Variants in MORC4 observed in about 807,000 individuals in gnomAD.
MORC4 encodes the protein MORC family CW-type zinc finger protein 4.
Under a neutral mutation model 65.5 loss-of-function variants are expected in MORC4, and 22 were observed. The observed-to-expected ratio is 0.34, with a 90% confidence interval of 0.24 to 0.48. The LOEUF (loss-of-function observed/expected upper bound fraction) is 0.48, where lower values mean the gene tolerates loss of function less well. Among genes scored for constraint, MORC4 ranks in the 20% least tolerant of loss-of-function variants. The pLI, the probability that MORC4 is intolerant of heterozygous loss-of-function variation, is 0.99. For missense variants in MORC4, 624 were observed against 703.0 expected (o/e 0.89, Z 1.27); for synonymous variants, 267 against 255.8 (o/e 1.04, Z -0.42).
Position 106,993,274 on chromosome X carries a change from A to G in MORC4, c.264T>C (p.Asp88=), listed in dbSNP as rs754987575. 35 of 1,208,973 alleles carry G rather than the reference A, an allele frequency of 2.9e-5. No homozygotes were observed. Among genetic ancestry groups the G allele is most frequent in the Non-Finnish European group, 3.9e-5 (35 of 893,913 alleles). The change falls in exon 3 of 17, where the codon GAT becomes GAC. Residue 88 remains aspartate, a synonymous_variant. Transcript: ENST00000355610. ...VKNKSCLTFT[D]DGCGMTPHKL... The stretch of plus-strand genomic sequence containing the variant: ...TATGAGGTGTCATCCCACATCCATC[A>G]TCGGTAAAGGTCAAACAAGATTTAT...
intron 9 of MORC4, among the ~76,000 whole-genome samples, chrX:106,972,018 C>T (rs1327717644): frequency 2.1e-4 from 24 of 112,171 alleles, no homozygotes; most frequent in Admixed American, 4.7e-4. Context: ...CACATGCACA[C>T]GTATGTTTAT....
In MORC4 at chrX:106,999,868, C is replaced by T; in HGVS notation, c.102G>A (p.Thr34=). Residue 34 remains threonine, a splice_region_variant and synonymous_variant, in exon 1 of 17, where the codon ACG becomes ACA. Transcript: ENST00000355610. ...GPQAFGIRLS[T]MSPRYLQSNS... is the part of the protein sequence containing the mutation. ...CCGCCCCCTCGGGCCCCGGACCTAC[C>T]GTGCTCAGGCGGATCCCGAAGGCCT... 1 of 838,605 alleles carries T rather than the reference C, an allele frequency of 1.2e-6. No homozygotes were observed. The highest frequency in any genetic ancestry group is 1.4e-6 in the Non-Finnish European group (1 of 692,206). 69.1% of individuals were successfully genotyped at this position (838,605 alleles called of 1,213,427 possible).
At chrX:106,971,759 C>T (rs1237394873) in intron 9 of MORC4, among the ~76,000 whole-genome samples, 1 of 111,940 alleles carries the variant, frequency 8.9e-6, no homozygotes. Context: ...AAATCAAAAC[C>T]ATAATGAGAT....
intron 9 of MORC4, among the ~76,000 whole-genome samples, chrX:106,967,745 A>T (rs1934408738): frequency 8.9e-6 from 1 of 111,999 alleles, no homozygotes; most frequent in Non-Finnish European, 1.9e-5. Context: ...AATGAAATAA[A>T]GTGAGAAGAC....
chrX:106,955,225 G>A (rs760400898), intron 13 of MORC4, 137 bp from the exon 14 acceptor site: 11 of 472,512 alleles, frequency 2.3e-5, no homozygotes, highest in South Asian at 7.2e-5. Flanking sequence ...CAAACAGTGT[G>A]CAGTAATGTA....
chrX:106,988,781 C>T (rs1288086337), intron 3 of MORC4, among the ~76,000 whole-genome samples: 1 of 111,986 alleles, frequency 8.9e-6, no homozygotes, highest in Non-Finnish European at 1.9e-5. Context: ...ACACTGTTTA[C>T]ACATCAAGGT....
In MORC4 at chrX:106,965,588, T is replaced by C. The variant is rs149275542; in HGVS notation, c.1158-3478A>G. On this transcript the variant is annotated intron_variant, in intron 9 of 16. Coordinates refer to ENST00000355610, the MANE Select transcript of MORC4 (RefSeq NM_024657.5). ...ATGCTACCTGGAAGAGGGGTACTAC[T>C]ATAACAAATACCTAAAAATATGGAA... Among the ~76,000 whole-genome samples the C allele has an allele frequency of 2.4e-3, 266 of 112,231 alleles. 2 individuals carry two copies. The highest frequency in any genetic ancestry group is 6.7e-3 in the Admixed American group (71 of 10,640).
intron 9 of MORC4, among the ~76,000 whole-genome samples, chrX:106,968,568 C>A (rs1348982578): frequency 2.9e-5 from 3 of 104,807 alleles, no homozygotes; most frequent in African/African-American, 1.1e-4. Context: ...ATTCAGGAGA[C>A]CCATCTCACA....
In MORC4 at chrX:107,000,201, G is replaced by C. The variant is rs961394906; in HGVS notation, c.-232C>G. On this transcript the variant is annotated 5_prime_UTR_variant, in exon 1 of 17. Transcript: ENST00000355610. ...GCTCCGCCCTGTCAGCACCTCTACC[G>C]ACCCGGCGACTGCCCGGGCTGCCTC... 5 of 122,145 alleles carry C rather than the reference G, an allele frequency of 4.1e-5. No individual in the cohort carries two copies. Among genetic ancestry groups the C allele is most frequent in the Non-Finnish European group, 8.4e-5 (5 of 59,556 alleles). The allele number at this position is 122,145 out of a possible 1,213,427, so 10.1% of individuals were successfully genotyped here.
chrX:106,957,701 C>T (rs1934143525), intron 11 of MORC4, among the ~76,000 whole-genome samples: 1 of 111,659 alleles, frequency 9.0e-6, no homozygotes, highest in African/African-American at 3.3e-5. Flanking sequence ...CTGCAAGAAA[C>T]ATATGGTATA....
chrX:106,991,105 C>T (rs1042900797), intron 3 of MORC4, among the ~76,000 whole-genome samples: 111 of 111,366 alleles, frequency 1.0e-3, no homozygotes, highest in African/African-American at 3.5e-3. Context: ...ACCTATTTTG[C>T]TCCTTGGGGA....
At chrX:106,954,715 C>T (rs933062788) in intron 14 of MORC4, among the ~76,000 whole-genome samples, 198 bp downstream of exon 14, 18 of 111,909 alleles carry the variant, frequency 1.6e-4, no homozygotes, top group Non-Finnish European at 7.5e-5. Flanking sequence ...AATTATAGAC[C>T]TGATACAGCA....
intron 14 of MORC4, 40 bp downstream of exon 14, chrX:106,954,873 T>G (rs1166998598): frequency 8.6e-7 from 1 of 1,158,105 alleles, no homozygotes; most frequent in East Asian, 3.0e-5. Context: ...AAACAGACTC[T>G]AAAGCTTACT....
rs1934068207 is a variant in MORC4, at chrX:106,954,935, A to C, written c.1663T>G (p.Ser555Ala). 3 of 1,208,325 alleles carry C rather than the reference A, an allele frequency of 2.5e-6. No homozygotes were observed. The highest frequency in any genetic ancestry group is 3.4e-6 in the Non-Finnish European group (3 of 894,802). The change falls in exon 14 of 17, where the codon TCC becomes GCC. Residue 555 changes from serine to alanine, a missense_variant. By Grantham distance (99) the Ser-to-Ala change is moderately conservative. Transcript: ENST00000355610. ...SPSLQLKPLD[S>A]SVLQFSSKYK... is the part of the protein sequence containing the mutation. ...CACCTGGAAAACTGTAAAACACTGG[A>C]ATCCAGAGGCTTAAGTTGAAGAGAT... is the stretch of plus-strand genomic sequence containing the variant.
chrX:106,972,259 T>C (rs1021881485), intron 9 of MORC4, among the ~76,000 whole-genome samples: 3 of 109,366 alleles, frequency 2.7e-5, no homozygotes, highest in Non-Finnish European at 5.7e-5. Flanking sequence ...TAAGTGGGAG[T>C]TGAACAATGA....
intron 9 of MORC4, among the ~76,000 whole-genome samples, chrX:106,972,297 T>C (rs999233047): frequency 2.7e-5 from 3 of 109,901 alleles, no homozygotes; most frequent in Non-Finnish European, 3.8e-5. Context: ...GAGGGGAACA[T>C]CACACACTGA....
rs1478500593 is a variant in MORC4 at position 106,956,553 on chromosome X, G to A, written c.1455-19C>T. The A allele has an allele frequency of 2.6e-6, 3 of 1,161,804 alleles. No homozygotes were observed. Among genetic ancestry groups the A allele is most frequent in the African/African-American group, 3.5e-5 (2 of 56,847 alleles). ...TTGTTCTCTAGGAGAAGATAAAAGT[G>A]CTATTTAGTTCACTCATGAAACTTC... On this transcript the variant is annotated intron_variant, in intron 12 of 16. Transcript: ENST00000355610.
chrX:106,978,211 A>G lies in MORC4; in HGVS notation c.937-12T>C, dbSNP rs373092969. ...CTCACCTGCTTATTCTGAGAAGAAC[A>G]TCGTTAAGGAGACAAACATACCAGG... On this transcript the variant is annotated splice_polypyrimidine_tract_variant and intron_variant, in intron 7 of 16. Transcript: ENST00000355610. 8.4e-7 allele frequency: 1 copy of G among 1,194,276 alleles called. No individual in the cohort carries two copies. Among genetic ancestry groups the G allele is most frequent in the African/African-American group, 1.8e-5 (1 of 56,478 alleles).
chrX:106,982,513 C>T (rs896310394), intron 5 of MORC4, among the ~76,000 whole-genome samples: 2 of 111,789 alleles, frequency 1.8e-5, no homozygotes, highest in African/African-American at 6.5e-5. Flanking sequence ...CTGATTCTCA[C>T]TACCCCACCT....
Sources: allele counts gnomAD v4.1 joint callset (sites outside exome capture counted in the v4.1 genomes callset), GRCh38; gene constraint gnomAD v4.1.1; transcripts MANE v1.5; gene names NCBI Gene and HGNC (gene_info 2026-07-23, HGNC 2026-07-21).